NAA15: variants seen among roughly 807,000 people sequenced by gnomAD.
NAA15 encodes the protein N-terminal acetyltransferase.
A neutral mutation model predicts 114.0 loss-of-function variants in NAA15; 34 were observed. The ratio of observed to expected loss-of-function variants is 0.30; its 90% CI spans 0.23 to 0.40. NAA15 has a LOEUF of 0.40. Among genes scored for constraint, NAA15 ranks in the 10% least tolerant of loss-of-function variants. The pLI is 1.00. For synonymous variants in NAA15, 340 were observed against 338.0 expected, an observed-to-expected ratio of 1.01 and a Z score of -0.06; for missense variants, 658 against 1,004.5, an observed-to-expected ratio of 0.66 and a Z score of 4.66.
In NAA15 at chr4:139,370,327, C is replaced by A; in HGVS notation, c.1870C>A (p.Gln624Lys). 1.3e-6 allele frequency: 2 copies of A among 1,596,610 alleles called. No individual in the cohort carries two copies. Among genetic ancestry groups the A allele is most frequent in the South Asian group, 1.1e-5 (1 of 87,880 alleles). The change falls in exon 15 of 20, where the codon CAG becomes AAG. Residue 624 changes from glutamine to lysine, a missense_variant. Physicochemically the swap from Gln to Lys is moderately conservative, Grantham distance 53. Coordinates refer to ENST00000296543, the MANE Select transcript of NAA15 (RefSeq NM_057175.5). Reference protein sequence around the residue: ...NAEKEKQQRNQKKKKDDDDEE... With the variant: ...NAEKEKQQRNKKKKKDDDDEE... ...AGAAAAAGAAAAGCAGCAGAGAAAT[C>A]AGAAAAAGAAGAAGGATGATGATGA...
At chr4:139,374,771 A>C (rs1442880139) in intron 15 of NAA15, among the ~76,000 whole-genome samples, 3 of 152,140 alleles carry the variant, frequency 2.0e-5, no homozygotes, top group Non-Finnish European at 2.9e-5. Context: ...TACCTATGAG[A>C]AGTAAACAGA....
chr4:139,334,238 C>A lies in NAA15; in HGVS notation c.119C>A (p.Pro40His). 1 of 1,600,870 alleles carries A rather than the reference C, an allele frequency of 6.2e-7. No individual in the cohort carries two copies. The highest frequency in any genetic ancestry group is 1.1e-5 in the South Asian group (1 of 87,638). Residue 40 changes from proline (P) to histidine (H), a missense_variant, in exon 2 of 20, where the codon CCC (proline) becomes CAC (histidine). This residue lies in a region of NAA15 where 75 missense variants were observed against 172.3 expected (regional missense o/e 0.44). Transcript: ENST00000296543. The stretch of plus-strand genomic sequence containing the variant: ...TTCTGTAAACAAATACTTTCTAATC[C>A]CAAATTTGCAGAGCATGGAGGTAAG... ...LKFCKQILSN[P>H]KFAEHGETLA...
rs147523657 is a variant in NAA15 at position 139,384,121 on chromosome 4, G to A, written c.2156-711G>A. On this transcript the variant is annotated intron_variant, in intron 17 of 19. Coordinates refer to ENST00000296543, the MANE Select transcript of NAA15 (RefSeq NM_057175.5). ...CAGTTCCTTTCTGGAAATGAATCTC[G>A]TGTTAATAAAATTATTTGAATGCCT... is the stretch of plus-strand genomic sequence containing the variant. 4.1e-3 allele frequency among the ~76,000 whole-genome samples: 625 copies of A among 152,234 alleles called. 4 individuals carry two copies. The highest frequency in any genetic ancestry group is 0.014 in the African/African-American group (577 of 41,518).
intron 6 of NAA15, among the ~76,000 whole-genome samples, chr4:139,345,147 G>A (rs1333764082): frequency 1.3e-5 from 2 of 152,174 alleles, no homozygotes; most frequent in Non-Finnish European, 2.9e-5. Context: ...TGCATAATAG[G>A]TATAGCCATT....
chr4:139,372,094 T>A (rs1189944828), intron 15 of NAA15, among the ~76,000 whole-genome samples: 2 of 152,128 alleles, frequency 1.3e-5, no homozygotes, highest in Non-Finnish European at 2.9e-5. Flanking sequence ...TTTTTTGTAT[T>A]TTTAGTAGAG....
At position 139,387,962 on chromosome 4, in the gene NAA15, A is replaced by G. The variant is rs1387377097; in HGVS notation, c.2479A>G (p.Asn827Asp). 1.9e-6 allele frequency: 3 copies of G among 1,614,044 alleles called. No homozygotes were observed. The highest frequency in any genetic ancestry group is 2.5e-6 in the Non-Finnish European group (3 of 1,179,952). The part of the protein sequence containing the change: ...CKEAAEIYRA[N>D]CHKLFPYALA... ...AGAAGCTGCTGAAATTTATAGAGCA[A>G]ATTGTCATAAGCTTTTCCCTTATGC... is the stretch of plus-strand genomic sequence containing the variant. The change falls in exon 20 of 20, where the codon AAT (asparagine) becomes GAT (aspartate). Residue 827 changes from asparagine (N) to aspartate (D), a missense_variant. Transcript: ENST00000296543.
chr4:139,304,900 A>G (rs939447986), intron 1 of NAA15, among the ~76,000 whole-genome samples: 5 of 152,170 alleles, frequency 3.3e-5, no homozygotes, highest in East Asian at 3.9e-4. Context: ...CTCTATTTGT[A>G]TAATTTTGCC....
rs1304496666 is a variant in NAA15, at chr4:139,390,840, A to C, written c.*2756A>C. 1 of 152,202 alleles carries C rather than the reference A, an allele frequency of 6.6e-6. No homozygotes were observed. Among genetic ancestry groups the C allele is most frequent in the Non-Finnish European group, 1.5e-5 (1 of 68,030 alleles). The allele number at this position is 152,202 out of a possible 1,614,324, so 9.4% of individuals were successfully genotyped here. ...GAATAGCTTTGCTGTGGGCTTTATC[A>C]GGCCCTTGTTTTTCACAGTGTTGTT... On this transcript the variant is annotated 3_prime_UTR_variant, in exon 20 of 20. Transcript: ENST00000296543.
chr4:139,322,517 T>TTCTGCAGTCTTTAACGTAG (rs1746653050), intron 1 of NAA15, among the ~76,000 whole-genome samples: 2 of 152,218 alleles, frequency 1.3e-5, no homozygotes, highest in Admixed American at 1.3e-4. Context: ...CTCTGCTGAA[T>TTCTGCAGTCTTTAACGTAG]TCTGCAGTCT....
chr4:139,371,459 C>T (rs1243206882), intron 15 of NAA15, among the ~76,000 whole-genome samples: 4 of 129,062 alleles, frequency 3.1e-5, no homozygotes, highest in Non-Finnish European at 4.8e-5. Flanking sequence ...GGAGACATAG[C>T]AAGACTCTGT....
chr4:139,336,833 T>G lies in NAA15; in HGVS notation c.140-15T>G. The G allele has an allele frequency of 6.9e-7, 1 of 1,454,342 alleles. No individual in the cohort carries two copies. Among genetic ancestry groups the G allele is most frequent in the Non-Finnish European group, 9.2e-7 (1 of 1,086,846 alleles). 90.1% of individuals were successfully genotyped at this position (1,454,342 alleles called of 1,614,324 possible). A position where few individuals can be genotyped will look rare whatever the true frequency, so the allele number is the denominator to read the frequency against. ...TTTTTAAAATGTTCCTTTTCTTCTTTGTTTTTGAAAATAGAAACCTTGGCT... is the reference window on the plus strand; with the variant it reads ...TTTTTAAAATGTTCCTTTTCTTCTTGGTTTTTGAAAATAGAAACCTTGGCT... On this transcript the variant is annotated splice_polypyrimidine_tract_variant and intron_variant, in intron 2 of 19. Transcript: ENST00000296543.
chr4:139,328,571 T>C (rs1746884192), intron 1 of NAA15, among the ~76,000 whole-genome samples: 1 of 127,938 alleles, frequency 7.8e-6, no homozygotes, highest in South Asian at 2.5e-4. Flanking sequence ...TTTCTTTCTT[T>C]TCTTTTTTTT....
At chr4:139,380,383 A>G (rs80232320) in intron 17 of NAA15, among the ~76,000 whole-genome samples, 1,804 of 152,318 alleles carry the variant, frequency 0.012, 12 homozygotes, top group East Asian at 0.029. Context: ...AGTATTTTCA[A>G]AAATAACATA....
intron 4 of NAA15, among the ~76,000 whole-genome samples, chr4:139,341,614 A>G (rs1421738750): frequency 1.3e-5 from 2 of 150,780 alleles, no homozygotes; most frequent in African/African-American, 2.4e-5. Context: ...AAAAAAAAAA[A>G]AAAAAGAAAA....
rs538765230 is a variant in NAA15, at chr4:139,380,268, G to A, written c.2155+1414G>A. Among the ~76,000 whole-genome samples, 444 of 146,978 alleles carry A rather than the reference G, an allele frequency of 3.0e-3. 3 individuals carry two copies. Among genetic ancestry groups the A allele is most frequent in the African/African-American group, 0.01 (409 of 39,806 alleles). Reference sequence around the variant, plus strand: ...TCTCTTTAGTTTTTTTGGGGGGGGGGAGTATGAAAAATAACTTTGCAATCA... The same window carrying A: ...TCTCTTTAGTTTTTTTGGGGGGGGGAAGTATGAAAAATAACTTTGCAATCA... On this transcript the variant is annotated intron_variant, in intron 17 of 19. Coordinates refer to ENST00000296543, the MANE Select transcript of NAA15 (RefSeq NM_057175.5).
At chr4:139,362,966 A>G (rs1172486911) in intron 14 of NAA15, among the ~76,000 whole-genome samples, 1 of 152,138 alleles carries the variant, frequency 6.6e-6, no homozygotes, top group Non-Finnish European at 1.5e-5. Flanking sequence ...CCTGCTAAAC[A>G]GCTTTTGAAT....
At chr4:139,355,947 G>A (rs1004441013) in intron 10 of NAA15, among the ~76,000 whole-genome samples, 5 of 152,072 alleles carry the variant, frequency 3.3e-5, no homozygotes, top group Admixed American at 2.6e-4. Flanking sequence ...TTTACACAAT[G>A]TTTCAGTTTA....
At chr4:139,362,583 C>CTA (rs1160849495) in intron 14 of NAA15, among the ~76,000 whole-genome samples, 11 of 152,214 alleles carry the variant, frequency 7.2e-5, no homozygotes, top group Non-Finnish European at 1.5e-4. Flanking sequence ...GCATGAGCCA[C>CTA]TATTCCCAGC....
chr4:139,358,208 A>T lies in NAA15; in HGVS notation c.1257+653A>T, dbSNP rs1299296561. Among the ~76,000 whole-genome samples, 13 of 146,896 alleles carry T rather than the reference A, an allele frequency of 8.8e-5. No individual in the cohort carries two copies. In the East Asian group the frequency reaches 1.8e-3, roughly 20 times the overall value. On this transcript the variant is annotated intron_variant, in intron 11 of 19. Coordinates refer to ENST00000296543, the MANE Select transcript of NAA15 (RefSeq NM_057175.5). ...TTGTTTTTGTTTTTTTTTTTTTGAG[A>T]GAGAGAAAGAGTCTCACTGCATCAC...
Sources: gnomAD v4.1 joint callset for allele counts (sites outside exome capture counted in the v4.1 genomes callset) on GRCh38, gnomAD v4.1.1 for gene constraint, gnomAD v4.1.1 regional missense constraint, MANE v1.5 for transcripts, NCBI Gene and HGNC (gene_info 2026-07-23, HGNC 2026-07-21) for gene names.